Variants in RBM6 observed in about 807,000 individuals in gnomAD.
The protein encoded by RBM6 is RNA-binding protein 6.
In RBM6, 23 loss-of-function variants were observed where a neutral mutation model predicts 140.4. The observed-to-expected ratio is 0.16, with a 90% CI of 0.12 to 0.23. The LOEUF is 0.23. Among genes scored for constraint, RBM6 ranks in the 10% least tolerant of loss-of-function variants. RBM6 has a pLI of 1.00. For synonymous variants in RBM6, 439 were observed against 475.6 expected, an observed-to-expected ratio of 0.92 and a Z score of 1.00; for missense variants, 1,139 against 1,386.7, an observed-to-expected ratio of 0.82 and a Z score of 2.84.
At chr3:49,974,017 C>A (rs894809543) in intron 4 of RBM6, among the ~76,000 whole-genome samples, 1 of 152,250 alleles carries the variant, frequency 6.6e-6, no homozygotes, top group East Asian at 1.9e-4. Flanking sequence ...CCTGCCTCAG[C>A]CTCCTGAGTA....
chr3:50,043,241 C>G (rs145274652), intron 6 of RBM6, among the ~76,000 whole-genome samples: 1 of 151,844 alleles, frequency 6.6e-6, no homozygotes, highest in East Asian at 1.9e-4. Context: ...CCCAGCACTT[C>G]GGGAGGCCGA....
intron 6 of RBM6, among the ~76,000 whole-genome samples, chr3:50,032,863 T>C (rs760703881): frequency 2.6e-5 from 4 of 151,224 alleles, no homozygotes; most frequent in Non-Finnish European, 4.4e-5. Context: ...TGCATGCCTG[T>C]AATTCCAGCT....
intron 4 of RBM6, among the ~76,000 whole-genome samples, chr3:49,973,655 G>A (rs1284952337): frequency 2.7e-5 from 4 of 145,922 alleles, no homozygotes; most frequent in South Asian, 2.2e-4. Context: ...GCGCGATCTC[G>A]GCTCACTGCA....
At chr3:49,976,074 TATA>T (rs748175209) in intron 5 of RBM6, among the ~76,000 whole-genome samples, 1 of 152,156 alleles carries the variant, frequency 6.6e-6, no homozygotes, top group Non-Finnish European at 1.5e-5. Flanking sequence ...TAGAACTATG[TATA>T]ATAATAAGTT....
intron 2 of RBM6, among the ~76,000 whole-genome samples, chr3:49,963,894 C>A (rs1559530046): frequency 6.6e-6 from 1 of 151,826 alleles, no homozygotes; most frequent in Non-Finnish European, 1.5e-5. Flanking sequence ...TTAACTAGTA[C>A]ATTTTCCTTT....
chr3:50,061,533 G>T lies in RBM6; in HGVS notation c.2425G>T (p.Asp809Tyr). ...YYDPLAGTYY[D>Y]PNTQQEVYVP... Reference sequence around the variant, plus strand: ...TGACCCCTTGGCAGGAACTTATTATGACCCCAATACCCAGGTGAGTTTGGG... The same window carrying T: ...TGACCCCTTGGCAGGAACTTATTATTACCCCAATACCCAGGTGAGTTTGGG... Residue 809 changes from aspartate (D) to tyrosine (Y), a missense_variant, in exon 14 of 21, where the codon GAC becomes TAC. By Grantham distance (160) the Asp-to-Tyr change is radical. This residue lies in a region of RBM6 where 163 missense variants were observed against 182.8 expected (regional missense o/e 0.89). Coordinates refer to ENST00000266022, the MANE Select transcript of RBM6 (RefSeq NM_005777.3). 1 of 1,574,784 alleles carries T rather than the reference G, an allele frequency of 6.4e-7. No individual in the cohort carries two copies. Among genetic ancestry groups the T allele is most frequent in the Non-Finnish European group, 8.6e-7 (1 of 1,164,964 alleles).
intron 6 of RBM6, among the ~76,000 whole-genome samples, chr3:50,002,480 T>C (rs1443438218): frequency 6.6e-6 from 1 of 152,122 alleles, no homozygotes; most frequent in African/African-American, 2.4e-5. Flanking sequence ...CAGGCTGGTC[T>C]GGAACTCCTG....
At chr3:50,007,758 C>T (rs1273483573) in intron 6 of RBM6, among the ~76,000 whole-genome samples, 5 of 152,090 alleles carry the variant, frequency 3.3e-5, no homozygotes, top group South Asian at 2.1e-4. Flanking sequence ...TGGTCTCGAT[C>T]TCCTGACCTC....
At chr3:50,065,532 C>T (rs190638565) in intron 16 of RBM6, 61 of 458,560 alleles carry the variant, frequency 1.3e-4, no homozygotes, top group Admixed American at 9.6e-4. Context: ...TTTATAGTTT[C>T]TGCCTGTTCA....
chr3:49,972,170 G>T, intron 4 of RBM6, 22 bp downstream of exon 4: 1 of 1,521,394 alleles, frequency 6.6e-7, no homozygotes, highest in Non-Finnish European at 9.0e-7. Context: ...CTTCTCTCCT[G>T]TTTCTCTGTG....
intron 1 of RBM6, among the ~76,000 whole-genome samples, chr3:49,952,580 A>T (rs1185910726): frequency 6.7e-6 from 1 of 148,652 alleles, no homozygotes; most frequent in African/African-American, 2.5e-5. Flanking sequence ...ACTCAACGCA[A>T]CCTCTGTCTC....
At chr3:49,970,974 A>C (rs2084762602) in intron 3 of RBM6, among the ~76,000 whole-genome samples, 1 of 152,096 alleles carries the variant, frequency 6.6e-6, no homozygotes, top group African/African-American at 2.4e-5. Context: ...TACTAAAAAT[A>C]ACAAAAATTA....
chr3:49,965,496 C>T (rs1025158719), intron 2 of RBM6, among the ~76,000 whole-genome samples: 4 of 152,050 alleles, frequency 2.6e-5, no homozygotes, highest in Non-Finnish European at 5.9e-5. Flanking sequence ...GGTGAAACCC[C>T]GCCTCTACAA....
In RBM6 at chr3:50,059,597, T is replaced by C. The variant is rs1177039840; in HGVS notation, c.2131-52T>C. ...TCTTTCAAAGGAGAATTTTTCTGTCTTTGGGTTCTGGCATTTTCTGTCTCT... is the reference window on the plus strand; with the variant it reads ...TCTTTCAAAGGAGAATTTTTCTGTCCTTGGGTTCTGGCATTTTCTGTCTCT... On this transcript the variant is annotated intron_variant, in intron 10 of 20. Transcript: ENST00000266022. 2.0e-6 allele frequency: 3 copies of C among 1,471,538 alleles called. No homozygotes were observed. The African/African-American group carries it at 4.2e-5, about 21-fold the overall frequency. 91.2% of individuals were successfully genotyped at this position (1,471,538 alleles called of 1,614,324 possible). A position where few individuals can be genotyped will look rare whatever the true frequency, so the allele number is the denominator to read the frequency against.
intron 1 of RBM6, among the ~76,000 whole-genome samples, chr3:49,944,835 C>T (rs1011969781): frequency 2.0e-5 from 3 of 151,228 alleles, no homozygotes; most frequent in East Asian, 2.0e-4. Context: ...GAAATGGAAT[C>T]GACAATTGAC....
chr3:50,030,216 G>A (rs750599884), intron 6 of RBM6, among the ~76,000 whole-genome samples: 1 of 148,670 alleles, frequency 6.7e-6, no homozygotes, highest in Non-Finnish European at 1.5e-5. Flanking sequence ...CCAGGAAGTC[G>A]AGATTGCAGT....
At chr3:49,973,125 C>T (rs936585055) in intron 4 of RBM6, among the ~76,000 whole-genome samples, 12 of 151,922 alleles carry the variant, frequency 7.9e-5, no homozygotes, top group African/African-American at 2.7e-4. Context: ...GCCACCAAGC[C>T]CAGCCCATTT....
chr3:49,960,319 A>G (rs1490551544), intron 1 of RBM6, among the ~76,000 whole-genome samples: 1 of 152,166 alleles, frequency 6.6e-6, no homozygotes, highest in Non-Finnish European at 1.5e-5. Context: ...TGTTTTGAAG[A>G]TGGCTTTTTC....
chr3:50,037,424 T>G (rs1374248087), intron 6 of RBM6, among the ~76,000 whole-genome samples: 1 of 152,048 alleles, frequency 6.6e-6, no homozygotes, highest in Non-Finnish European at 1.5e-5. Flanking sequence ...CAGGGGGGCA[T>G]AGTCACCTCC....
Sources: gnomAD v4.1 joint callset for allele counts (sites outside exome capture counted in the v4.1 genomes callset) on GRCh38, gnomAD v4.1.1 for gene constraint, gnomAD v4.1.1 regional missense constraint, MANE v1.5 for transcripts, NCBI Gene and HGNC (gene_info 2026-07-23, HGNC 2026-07-21) for gene names.